Variants in CHMP3 observed in about 807,000 individuals in gnomAD.
The protein encoded by CHMP3 is 25.1 protein.
Under a neutral mutation model 27.4 loss-of-function variants are expected in CHMP3, and 8 were observed. The observed-to-expected ratio is 0.29, with a 90% CI of 0.17 to 0.53. The LOEUF (loss-of-function observed/expected upper bound fraction) is 0.53, where lower values mean the gene tolerates loss of function less well. Among genes scored for constraint, CHMP3 ranks in the 20% least tolerant of loss-of-function variants. CHMP3 has a pLI of 0.96. For missense variants in CHMP3, 208 were observed against 271.5 expected (o/e 0.77, Z 1.64); for synonymous variants, 86 against 85.5 (o/e 1.01, Z -0.03).
At chr2:86,540,161 G>A (rs1676306964) in intron 2 of CHMP3, among the ~76,000 whole-genome samples, 1 of 151,968 alleles carries the variant, frequency 6.6e-6, no homozygotes, top group Non-Finnish European at 1.5e-5. Context: ...ATTTGATTAT[G>A]CTTTGCCTTT....
intron 1 of CHMP3, among the ~76,000 whole-genome samples, chr2:86,555,852 T>C (rs1348629362): frequency 6.6e-6 from 1 of 152,184 alleles, no homozygotes; most frequent in Non-Finnish European, 1.5e-5. Context: ...TCAAGAACCT[T>C]AATTTATTCA....
intron 3 of CHMP3, chr2:86,512,332 T>C (rs2104745194): frequency 6.6e-6 from 1 of 152,330 alleles, no homozygotes; most frequent in Non-Finnish European, 1.5e-5. Context: ...CTCCAGAAAA[T>C]GCAGCCCTCA....
At chr2:86,535,255 CAAA>C (rs574431905) in intron 2 of CHMP3, among the ~76,000 whole-genome samples, 5 of 61,634 alleles carry the variant, frequency 8.1e-5, no homozygotes, top group African/African-American at 5.7e-5. Flanking sequence ...ACCCTATCTC[CAAA>C]AAAAAAAAAA....
chr2:86,513,068 C>T (rs1675166811), intron 3 of CHMP3, among the ~76,000 whole-genome samples: 1 of 152,214 alleles, frequency 6.6e-6, no homozygotes, highest in Non-Finnish European at 1.5e-5. Context: ...TGTCTTATAG[C>T]AGCTTTATTC....
intron 1 of CHMP3, among the ~76,000 whole-genome samples, chr2:86,552,029 A>T (rs1676924021): frequency 6.6e-6 from 1 of 152,248 alleles, no homozygotes; most frequent in South Asian, 2.1e-4. Context: ...AGGAATTCAC[A>T]AATCATACCA....
chr2:86,542,173 T>C (rs1676387813), intron 2 of CHMP3, 79 bp downstream of exon 2: 5 of 1,406,754 alleles, frequency 3.6e-6, no homozygotes, highest in Admixed American at 1.8e-5. Flanking sequence ...TTATGATATA[T>C]AAATGCAGTT....
In CHMP3 at chr2:86,529,430, G is replaced by C. The variant is rs755962706; in HGVS notation, c.107-33C>G. 15 of 1,529,166 alleles carry C rather than the reference G, an allele frequency of 9.8e-6. No homozygotes were observed. The South Asian group carries it at 1.8e-4, about 19-fold the overall frequency. The allele number at this position is 1,529,166 out of a possible 1,614,324, so 94.7% of individuals were successfully genotyped here. A position where few individuals can be genotyped will look rare whatever the true frequency, so the allele number is the denominator to read the frequency against. ...TAGAACAGAACACCAAAAATCAAGG[G>C]TAAGTCAGGTTTATTGGCACTCAAA... On this transcript the variant is annotated intron_variant, in intron 2 of 5. Coordinates refer to ENST00000263856, the MANE Select transcript of CHMP3 (RefSeq NM_016079.4).
intron 1 of CHMP3, among the ~76,000 whole-genome samples, chr2:86,549,898 G>A (rs1375215591): frequency 1.3e-5 from 2 of 151,876 alleles, no homozygotes; most frequent in Non-Finnish European, 2.9e-5. Flanking sequence ...CCCAGACGGG[G>A]CGGCCGGGCA....
At chr2:86,535,204 T>C (rs1236492764) in intron 2 of CHMP3, among the ~76,000 whole-genome samples, 1 of 149,316 alleles carries the variant, frequency 6.7e-6, no homozygotes, top group Non-Finnish European at 1.5e-5. Context: ...TGCTGTGAGC[T>C]GTGTCACGAC....
chr2:86,536,643 C>T (rs939023685), intron 2 of CHMP3, among the ~76,000 whole-genome samples: 2 of 152,188 alleles, frequency 1.3e-5, no homozygotes, highest in Non-Finnish European at 2.9e-5. Context: ...CTGTCTATGG[C>T]TTTCTACAGT....
chr2:86,521,311 G>T (rs1253601615), intron 3 of CHMP3, among the ~76,000 whole-genome samples: 1 of 152,068 alleles, frequency 6.6e-6, no homozygotes, highest in Admixed American at 6.6e-5. Flanking sequence ...TAAGAGCTTG[G>T]AGCTCTCATG....
chr2:86,522,466 T>C (rs1003803525), intron 3 of CHMP3, among the ~76,000 whole-genome samples: 27 of 152,224 alleles, frequency 1.8e-4, no homozygotes, highest in African/African-American at 5.5e-4. Flanking sequence ...AAAGCTTAGG[T>C]GCTGCAGAAG....
At chr2:86,550,167 G>A (rs1280149953) in intron 1 of CHMP3, among the ~76,000 whole-genome samples, 1 of 152,224 alleles carries the variant, frequency 6.6e-6, no homozygotes, top group African/African-American at 2.4e-5. Flanking sequence ...CTTGAGGTCA[G>A]GAGCCGGAGA....
At chr2:86,562,529 C>T (rs1161861948) in intron 1 of CHMP3, among the ~76,000 whole-genome samples, 1 of 152,168 alleles carries the variant, frequency 6.6e-6, no homozygotes, top group Non-Finnish European at 1.5e-5. Flanking sequence ...CCTGAATCTT[C>T]AATTACTCTG....
intron 3 of CHMP3, among the ~76,000 whole-genome samples, chr2:86,522,016 C>A (rs1008409484): frequency 2.0e-5 from 3 of 152,116 alleles, no homozygotes; most frequent in African/African-American, 7.2e-5. Flanking sequence ...CTCCCTTAAC[C>A]CTCTCTTCCA....
chr2:86,510,644 T>C (rs1453805397), intron 3 of CHMP3, 165 bp from the exon 4 acceptor site: 7 of 988,390 alleles, frequency 7.1e-6, no homozygotes, highest in Non-Finnish European at 1.0e-5. Flanking sequence ...GAGATTGACT[T>C]TCCTAAATTG....
intron 1 of CHMP3, among the ~76,000 whole-genome samples, chr2:86,549,168 C>T (rs1179823728): frequency 5.7e-5 from 8 of 140,874 alleles, no homozygotes; most frequent in African/African-American, 1.1e-4. Flanking sequence ...CGGGCAGAGG[C>T]GCCCACTTCC....
chr2:86,551,572 TA>T (rs1676907078), intron 1 of CHMP3, among the ~76,000 whole-genome samples: 1 of 152,174 alleles, frequency 6.6e-6, no homozygotes, highest in Admixed American at 6.5e-5. Context: ...CTCCAATTTT[TA>T]TACTCCCCAA....
At chr2:86,531,101 A>G (rs1675901088) in intron 2 of CHMP3, among the ~76,000 whole-genome samples, 1 of 152,120 alleles carries the variant, frequency 6.6e-6, no homozygotes, top group Admixed American at 6.5e-5. Flanking sequence ...TGATTTGCAA[A>G]TGCTTTCTCC....
Sources: allele counts gnomAD v4.1 joint callset (sites outside exome capture counted in the v4.1 genomes callset), GRCh38; gene constraint gnomAD v4.1.1; transcripts MANE v1.5; gene names NCBI Gene and HGNC (gene_info 2026-07-23, HGNC 2026-07-21).